ZBTB46: variants seen among roughly 807,000 people sequenced by gnomAD.
ZBTB46 encodes zinc finger and BTB domain containing 46, also known as zinc finger and BTB domain-containing protein 46.
A neutral mutation model predicts 44.1 loss-of-function variants in ZBTB46; 8 were observed. The ratio of observed to expected loss-of-function variants is 0.18; its 90% CI spans 0.11 to 0.33. ZBTB46 has a LOEUF of 0.33. Among genes scored for constraint, ZBTB46 ranks in the 10% least tolerant of loss-of-function variants. ZBTB46 has a pLI of 1.00. For synonymous variants in ZBTB46, 409 were observed against 382.3 expected, an observed-to-expected ratio of 1.07 and a Z score of -0.81; for missense variants, 651 against 847.7, an observed-to-expected ratio of 0.77 and a Z score of 2.88.
At position 63,746,794 on chromosome 20, in the gene ZBTB46, G is replaced by A. The variant is rs2145738995; in HGVS notation, c.*136C>T. On this transcript the variant is annotated 3_prime_UTR_variant, in exon 5 of 5. Coordinates refer to ENST00000245663, the MANE Select transcript of ZBTB46 (RefSeq NM_001369741.1). Reference sequence around the variant, plus strand: ...TTAGCCCGCAGGGCTGGTTTCCGTGGGGGGTGGGTTCAGGGGGAAGCAGAG... The same window carrying A: ...TTAGCCCGCAGGGCTGGTTTCCGTGAGGGGTGGGTTCAGGGGGAAGCAGAG... 1.5e-6 allele frequency: 2 copies of A among 1,330,302 alleles called. No individual in the cohort carries two copies. Among genetic ancestry groups the A allele is most frequent in the African/African-American group, 1.5e-5 (1 of 65,664 alleles). The allele number at this position is 1,330,302 out of a possible 1,614,324, so 82.4% of individuals were successfully genotyped here.
chr20:63,822,317 C>A (rs1444560582), intron 1 of ZBTB46, among the ~76,000 whole-genome samples: 1 of 152,180 alleles, frequency 6.6e-6, no homozygotes, highest in Non-Finnish European at 1.5e-5. Context: ...ATTCACCCAC[C>A]AGCACACCCA....
At chr20:63,808,394 G>A (rs868730584) in intron 1 of ZBTB46, among the ~76,000 whole-genome samples, 3 of 152,316 alleles carry the variant, frequency 2.0e-5, no homozygotes, top group Middle Eastern at 3.4e-3. Flanking sequence ...GGGGCTTCAG[G>A]GGGGCGTGGG....
intron 1 of ZBTB46, among the ~76,000 whole-genome samples, chr20:63,811,812 C>T (rs1227058806): frequency 6.6e-6 from 1 of 152,198 alleles, no homozygotes; most frequent in Non-Finnish European, 1.5e-5. Flanking sequence ...TCCAACTCTG[C>T]CATAAGACAA....
At chr20:63,831,857 A>G (rs1480497706), upstream of ZBTB46, among the ~76,000 whole-genome samples, 2 of 150,102 alleles carry the variant, frequency 1.3e-5, no homozygotes, top group Non-Finnish European at 3.0e-5. Flanking sequence ...CCGGGCATCA[A>G]CGCGGGCCGC....
chr20:63,828,640 C>T (rs915122478), intron 1 of ZBTB46, among the ~76,000 whole-genome samples: 3 of 152,236 alleles, frequency 2.0e-5, no homozygotes, highest in African/African-American at 7.2e-5. Flanking sequence ...GGTACTTAGG[C>T]AAGAACACGA....
intron 1 of ZBTB46, among the ~76,000 whole-genome samples, chr20:63,819,300 C>A (rs6011154): frequency 0.18 from 27,632 of 152,106 alleles, 3,100 homozygotes; most frequent in East Asian, 0.5. Flanking sequence ...GAACAGAGAG[C>A]GCACCCGGGA....
rs544680442 is a variant in ZBTB46 at position 63,822,030 on chromosome 20, C to T, written c.-34+9067G>A. Among the ~76,000 whole-genome samples the T allele has an allele frequency of 1.6e-4, 25 of 152,294 alleles. No individual in the cohort carries two copies. In the East Asian group the frequency reaches 4.6e-3, roughly 28 times the overall value. The stretch of plus-strand genomic sequence containing the variant: ...ACTCAGCACACTGCGAGAACTTACA[C>T]CTTTAACTTCCCCTATCTAAGAAGC... On this transcript the variant is annotated intron_variant, in intron 1 of 4. Transcript: ENST00000245663.
chr20:63,772,950 G>A (rs2092389320), intron 3 of ZBTB46, among the ~76,000 whole-genome samples: 1 of 152,142 alleles, frequency 6.6e-6, no homozygotes, highest in Non-Finnish European at 1.5e-5. Flanking sequence ...GAAAGGAGGG[G>A]CCCAGAACAG....
intron 2 of ZBTB46, among the ~76,000 whole-genome samples, chr20:63,784,843 A>G (rs532356829): frequency 1.8e-3 from 268 of 152,332 alleles, no homozygotes; most frequent in Non-Finnish European, 3.2e-3. Context: ...AAAAGCAAAC[A>G]GGCCTCAGGG....
chr20:63,811,746 G>A (rs1296042974), intron 1 of ZBTB46, among the ~76,000 whole-genome samples: 1 of 152,160 alleles, frequency 6.6e-6, no homozygotes, highest in African/African-American at 2.4e-5. Flanking sequence ...CCTGCCACAT[G>A]AGGACTCAGG....
chr20:63,812,514 C>T (rs923582352), intron 1 of ZBTB46, among the ~76,000 whole-genome samples: 2 of 151,864 alleles, frequency 1.3e-5, no homozygotes, highest in African/African-American at 4.8e-5. Context: ...ATGTGGTGCG[C>T]GCCTATAATC....
intron 3 of ZBTB46, among the ~76,000 whole-genome samples, chr20:63,757,212 C>T (rs915237102): frequency 2.2e-4 from 33 of 152,294 alleles, no homozygotes; most frequent in African/African-American, 7.7e-4. Flanking sequence ...CAACCTCCGC[C>T]TCTGGGTTCA....
intron 3 of ZBTB46, among the ~76,000 whole-genome samples, chr20:63,773,827 G>A (rs966758809): frequency 5.3e-5 from 8 of 152,144 alleles, no homozygotes; most frequent in Admixed American, 3.9e-4. Context: ...CCGGCTGGCC[G>A]ACTGCAGGAT....
chr20:63,813,434 C>A (rs2092729182), intron 1 of ZBTB46, among the ~76,000 whole-genome samples: 1 of 149,030 alleles, frequency 6.7e-6, no homozygotes, highest in Non-Finnish European at 1.5e-5. Context: ...GGAGACAGAG[C>A]AAGACTCCAT....
chr20:63,803,338 A>G lies in ZBTB46; in HGVS notation c.-33-12548T>C. ...TAAATTTCATATACATCATATTACC[A>G]TTGTTCGTGGTCGCATTTCAAAATT... On this transcript the variant is annotated intron_variant, in intron 1 of 4. Coordinates refer to ENST00000245663, the MANE Select transcript of ZBTB46 (RefSeq NM_001369741.1). The surrounding 1 kb of genome is among the most constrained non-coding windows in gnomAD (Gnocchi z 4.0). The G allele has an allele frequency of 4.1e-6, 4 of 985,404 alleles. No individual in the cohort carries two copies. Among genetic ancestry groups the G allele is most frequent in the Non-Finnish European group, 4.8e-6 (4 of 829,914 alleles). 61.0% of individuals were successfully genotyped at this position (985,404 alleles called of 1,614,324 possible). A position where few individuals can be genotyped will look rare whatever the true frequency, so the allele number is the denominator to read the frequency against.
At chr20:63,749,616 G>A (rs918680641) in intron 4 of ZBTB46, among the ~76,000 whole-genome samples, 32 of 152,326 alleles carry the variant, frequency 2.1e-4, no homozygotes, top group East Asian at 3.9e-4. Context: ...GATTACAGGC[G>A]TCAGCCACCG....
rs1190017361 is a variant in ZBTB46, at chr20:63,775,781, C to T, written c.1119G>A (p.Ala373=). The T allele has an allele frequency of 1.9e-6, 3 of 1,613,204 alleles. No individual in the cohort carries two copies. Among genetic ancestry groups the T allele is most frequent in the Admixed American group, 1.7e-5 (1 of 59,986 alleles). ...QATAVANLRA[A]LMSKNSLLSL... Reference sequence around the variant, plus strand: ...ACAGCAGGCTGTTCTTACTCATGAGCGCCGCGCGCAGGTTGGCCACCGCGG... The same window carrying T: ...ACAGCAGGCTGTTCTTACTCATGAGTGCCGCGCGCAGGTTGGCCACCGCGG... Residue 373 remains alanine, a synonymous_variant, in exon 3 of 5, where the codon GCG becomes GCA. Coordinates refer to ENST00000245663, the MANE Select transcript of ZBTB46 (RefSeq NM_001369741.1).
At chr20:63,807,635 G>A (rs923878044) in intron 1 of ZBTB46, among the ~76,000 whole-genome samples, 3 of 152,306 alleles carry the variant, frequency 2.0e-5, no homozygotes, top group South Asian at 2.1e-4. Context: ...GTGAGCCACC[G>A]CGCCCGGCCT....
rs1222623955 is a variant in ZBTB46 at position 63,803,572 on chromosome 20, G to A, written c.-33-12782C>T. On this transcript the variant is annotated intron_variant, in intron 1 of 4. Transcript: ENST00000245663. The surrounding 1 kb of genome is among the most constrained non-coding windows in gnomAD (Gnocchi z 4.0). The stretch of plus-strand genomic sequence containing the variant: ...CGGCCCCGGGCTGCCCAGGCCCCGG[G>A]CTGCCCAGGTCTCTGTCGGAGGCCC... 7 of 978,072 alleles carry A rather than the reference G, an allele frequency of 7.2e-6. No homozygotes were observed. In the East Asian group the frequency reaches 8.0e-4, roughly 112 times the overall value. The allele number at this position is 978,072 out of a possible 1,614,324, so 60.6% of individuals were successfully genotyped here.
Sources: allele counts gnomAD v4.1 joint callset (sites outside exome capture counted in the v4.1 genomes callset), GRCh38; gene constraint gnomAD v4.1.1; non-coding constraint Gnocchi (gnomAD v3.1); transcripts MANE v1.5; gene names NCBI Gene and HGNC (gene_info 2026-07-23, HGNC 2026-07-21).